Variants in CHRNA7 observed in about 807,000 individuals in gnomAD.
The protein encoded by CHRNA7 is neuronal acetylcholine receptor subunit alpha-7.
Under a neutral mutation model 48.0 loss-of-function variants are expected in CHRNA7, and 17 were observed. That is an observed-to-expected ratio of 0.35 (90% CI 0.24 to 0.53). The LOEUF is 0.53. Ranked by LOEUF, CHRNA7 falls within the 20% of genes least tolerant of loss-of-function variation. The probability of loss-of-function intolerance (pLI) is 0.92; values close to 1 mark genes in which losing one functional copy is unlikely to be tolerated. For missense variants in CHRNA7, 155 were observed against 577.7 expected (o/e 0.27, Z 7.50); for synonymous variants, 75 against 242.3 (o/e 0.31, Z 6.41).
chr15:32,142,400 G>T (rs1337374398), intron 4 of CHRNA7, among the ~76,000 whole-genome samples: 1 of 152,122 alleles, frequency 6.6e-6, no homozygotes, highest in Non-Finnish European at 1.5e-5. Context: ...TTGTGTCTCT[G>T]CCCAGCTTTG....
intron 4 of CHRNA7, among the ~76,000 whole-genome samples, chr15:32,130,561 T>C (rs2051137518): frequency 6.6e-6 from 1 of 150,524 alleles, no homozygotes; most frequent in African/African-American, 2.4e-5. Context: ...ATATATATTC[T>C]TCGTTTTTTC....
chr15:32,046,594 G>A (rs1011752022), intron 2 of CHRNA7, among the ~76,000 whole-genome samples: 16 of 152,132 alleles, frequency 1.1e-4, no homozygotes, highest in Non-Finnish European at 5.9e-5. Context: ...AGTAGGTCGC[G>A]AAAAGTTTCT....
chr15:32,079,696 A>G (rs563631201), intron 2 of CHRNA7, among the ~76,000 whole-genome samples: 2 of 152,308 alleles, frequency 1.3e-5, no homozygotes, highest in Admixed American at 6.5e-5. Flanking sequence ...GGAAAAATCA[A>G]TATCATGAAA....
chr15:32,056,245 G>A (rs2049786277), intron 2 of CHRNA7, among the ~76,000 whole-genome samples: 1 of 152,118 alleles, frequency 6.6e-6, no homozygotes, highest in South Asian at 2.1e-4. Context: ...CCAAGTTCAT[G>A]AAGATATTTT....
At chr15:32,035,107 A>C (rs1902021140) in intron 2 of CHRNA7, among the ~76,000 whole-genome samples, 1 of 152,238 alleles carries the variant, frequency 6.6e-6, no homozygotes, top group Admixed American at 6.5e-5. Flanking sequence ...AAAGTGCCTA[A>C]ATTATTCTTA....
At chr15:32,111,195 C>T (rs1236036570) in intron 3 of CHRNA7, 6 of 152,330 alleles carry the variant, frequency 3.9e-5, no homozygotes, top group Non-Finnish European at 5.9e-5. Context: ...CTTCCTGAGT[C>T]TTCACCTGCC....
chr15:32,109,538 G>T (rs571381079), intron 3 of CHRNA7, among the ~76,000 whole-genome samples: 2 of 152,158 alleles, frequency 1.3e-5, no homozygotes, highest in African/African-American at 4.8e-5. Flanking sequence ...TGACACAATG[G>T]TCAGCCTGGT....
chr15:32,117,107 C>G (rs543015400), intron 4 of CHRNA7, among the ~76,000 whole-genome samples: 1 of 152,172 alleles, frequency 6.6e-6, no homozygotes, highest in South Asian at 2.1e-4. Flanking sequence ...GGGAAGGGAT[C>G]CTGGGAAGCA....
intron 2 of CHRNA7, among the ~76,000 whole-genome samples, chr15:32,070,029 A>G (rs2050028874): frequency 1.3e-5 from 2 of 152,172 alleles, no homozygotes; most frequent in South Asian, 4.1e-4. Context: ...TTCTTAATAG[A>G]TGTCTATTTA....
At chr15:32,132,886 CTTTATA>C (rs890429781) in intron 4 of CHRNA7, among the ~76,000 whole-genome samples, 5 of 152,174 alleles carry the variant, frequency 3.3e-5, no homozygotes, top group Admixed American at 2.0e-4. Flanking sequence ...TTTATTTAGA[CTTTATA>C]TTTATTCAGA....
At chr15:32,085,123 C>T (rs1002510453) in intron 2 of CHRNA7, among the ~76,000 whole-genome samples, 9 of 152,122 alleles carry the variant, frequency 5.9e-5, no homozygotes. Flanking sequence ...GCCACTGCAC[C>T]CGGCCTCCCC....
intron 4 of CHRNA7, among the ~76,000 whole-genome samples, chr15:32,136,272 C>T (rs1350477619): frequency 2.0e-5 from 3 of 152,138 alleles, no homozygotes; most frequent in African/African-American, 7.2e-5. Flanking sequence ...AAGTAGATCA[C>T]CTGAGGTCAG....
intron 4 of CHRNA7, among the ~76,000 whole-genome samples, chr15:32,133,328 A>G (rs2051188763): frequency 6.6e-6 from 1 of 152,160 alleles, no homozygotes; most frequent in Non-Finnish European, 1.5e-5. Context: ...CTTCACGTCC[A>G]TTTATCTAGG....
chr15:32,041,513 A>T (rs1329882965), intron 2 of CHRNA7, among the ~76,000 whole-genome samples: 1 of 152,184 alleles, frequency 6.6e-6, no homozygotes, highest in African/African-American at 2.4e-5. Context: ...ATGCTCCCTG[A>T]CCTGCCCCTC....
At chr15:32,105,089 T>C (rs1362097403) in intron 3 of CHRNA7, among the ~76,000 whole-genome samples, 1 of 152,220 alleles carries the variant, frequency 6.6e-6, no homozygotes, top group Non-Finnish European at 1.5e-5. Context: ...TCAGAGGGTG[T>C]CACCAGAGAC....
intron 2 of CHRNA7, chr15:32,098,912 T>TACAC (rs1272048098): frequency 1.9e-4 from 11 of 56,760 alleles, no homozygotes; most frequent in African/African-American, 2.5e-4. Flanking sequence ...ACACACACTT[T>TACAC]TTATTCTAGG....
chr15:32,101,283 CTT>C lies in CHRNA7; in HGVS notation c.196-6_196-5del, dbSNP rs34476605. On this transcript the variant is annotated intron_variant, in intron 2 of 9. Coordinates refer to ENST00000306901, the MANE Select transcript of CHRNA7 (RefSeq NM_000746.6). Reference sequence around the variant, plus strand: ...GTAAACCATATTATTTATGCTGCTGCTTTTTTTTTTTTTTTGAAGGATGAGAA... The same window carrying C: ...GTAAACCATATTATTTATGCTGCTGCTTTTTTTTTTTTTGAAGGATGAGAA... 3,034 of 1,441,606 alleles carry C rather than the reference CTT, an allele frequency of 2.1e-3. No individual in the cohort carries two copies. The highest frequency in any genetic ancestry group is 6.0e-3 in the Admixed American group (260 of 43,220). 89.3% of individuals were successfully genotyped at this position (1,441,606 alleles called of 1,614,324 possible).
At chr15:32,098,282 G>A (rs1024401434) in intron 2 of CHRNA7, among the ~76,000 whole-genome samples, 5 of 152,158 alleles carry the variant, frequency 3.3e-5, no homozygotes, top group Non-Finnish European at 5.9e-5. Flanking sequence ...GCCAAGGATC[G>A]AGGAAGGAAA....
intron 4 of CHRNA7, among the ~76,000 whole-genome samples, chr15:32,133,658 T>G (rs2051194810): frequency 1.3e-5 from 2 of 152,220 alleles, no homozygotes; most frequent in Admixed American, 6.5e-5. Context: ...TAGGCTGTGC[T>G]CAGTCAGGGC....
Sources: allele counts gnomAD v4.1 joint callset (sites outside exome capture counted in the v4.1 genomes callset), GRCh38; gene constraint gnomAD v4.1.1; transcripts MANE v1.5; gene names NCBI Gene and HGNC (gene_info 2026-07-23, HGNC 2026-07-21).